MYO1E: variants seen among roughly 807,000 people sequenced by gnomAD.
MYO1E encodes the protein myosin IE.
In MYO1E, 68 loss-of-function variants were observed where a neutral mutation model predicts 151.1. That is an observed-to-expected ratio of 0.45 (90% CI 0.37 to 0.55). MYO1E has a LOEUF of 0.55. MYO1E is among the 20% of genes least tolerant of loss of function. MYO1E has a pLI of 0.00. For synonymous variants in MYO1E, 601 were observed against 501.7 expected, an observed-to-expected ratio of 1.20 and a Z score of -2.64; for missense variants, 1,363 against 1,389.3, an observed-to-expected ratio of 0.98 and a Z score of 0.30.
chr15:59,286,685 A>ACAAC (rs1212365543), intron 1 of MYO1E, among the ~76,000 whole-genome samples: 1 of 152,208 alleles, frequency 6.6e-6, no homozygotes, highest in African/African-American at 2.4e-5. Flanking sequence ...CATTCCCTGA[A>ACAAC]CAACCACTAG....
intron 16 of MYO1E, among the ~76,000 whole-genome samples, chr15:59,195,836 C>T (rs2079763307): frequency 1.3e-5 from 2 of 152,056 alleles, no homozygotes; most frequent in South Asian, 4.1e-4. Flanking sequence ...AGAACAACAA[C>T]AAAAAACAAA....
intron 1 of MYO1E, among the ~76,000 whole-genome samples, chr15:59,310,967 C>T (rs2080547583): frequency 6.6e-6 from 1 of 152,162 alleles, no homozygotes; most frequent in African/African-American, 2.4e-5. Context: ...CTGGCCCCAA[C>T]CTGCCTGTCC....
intron 18 of MYO1E, among the ~76,000 whole-genome samples, chr15:59,186,405 T>TA (rs71425847): frequency 4.9e-5 from 7 of 142,092 alleles, no homozygotes; most frequent in Non-Finnish European, 9.2e-5. Context: ...ATCTGAATTT[T>TA]AAAAAAAAAA....
intron 22 of MYO1E, among the ~76,000 whole-genome samples, chr15:59,169,006 A>T (rs1205135323): frequency 1.3e-5 from 2 of 152,240 alleles, no homozygotes. Flanking sequence ...ACATTATCAT[A>T]CCTACAGAAA....
intron 12 of MYO1E, among the ~76,000 whole-genome samples, chr15:59,212,444 C>A (rs1438075433): frequency 6.6e-6 from 1 of 152,036 alleles, no homozygotes; most frequent in Non-Finnish European, 1.5e-5. Context: ...CCCCAAACAG[C>A]CTTTGATGTG....
At chr15:59,189,869 C>A (rs76652709) in intron 17 of MYO1E, among the ~76,000 whole-genome samples, 7,215 of 152,258 alleles carry the variant, frequency 0.047, 191 homozygotes, top group African/African-American at 0.07. Context: ...CTAGCAATGT[C>A]TTTTGAAAAA....
Position 59,173,907 on chromosome 15 carries a change from G to A in MYO1E, c.2173C>T (p.Leu725Phe). Residue 725 changes from leucine (L) to phenylalanine (F), a missense_variant, in exon 21 of 28, where the codon CTC becomes TTC. By Grantham distance (22) the Leu-to-Phe change is conservative. Transcript: ENST00000288235. The part of the protein sequence containing the change: ...YVQMREEASD[L>F]LLNKKERRRN... The stretch of plus-strand genomic sequence containing the variant: ...CTTCTCTCCTTCTTGTTCAATAAGA[G>A]GTCTGAGGCTACAATTCCCAAGAGG... 4 of 1,613,992 alleles carry A rather than the reference G, an allele frequency of 2.5e-6. No homozygotes were observed. The highest frequency in any genetic ancestry group is 3.4e-6 in the Non-Finnish European group (4 of 1,179,950).
At chr15:59,298,621 T>TC (rs1158062635) in intron 1 of MYO1E, among the ~76,000 whole-genome samples, 1 of 152,132 alleles carries the variant, frequency 6.6e-6, no homozygotes, top group African/African-American at 2.4e-5. Context: ...CCAATCCTGT[T>TC]CCCCCTCTCT....
chr15:59,348,287 A>G (rs1375507823), intron 1 of MYO1E, among the ~76,000 whole-genome samples: 1 of 152,224 alleles, frequency 6.6e-6, no homozygotes, highest in Non-Finnish European at 1.5e-5. Context: ...GCTGTATTAA[A>G]TAATACCCTC....
chr15:59,371,899 C>T (rs1368054953), intron 1 of MYO1E, among the ~76,000 whole-genome samples: 1 of 150,964 alleles, frequency 6.6e-6, no homozygotes, highest in Admixed American at 6.6e-5. Flanking sequence ...GCTCGCCCTA[C>T]CTGGCGCCCC....
At chr15:59,180,778 G>C (rs2079653650) in intron 18 of MYO1E, among the ~76,000 whole-genome samples, 1 of 152,118 alleles carries the variant, frequency 6.6e-6, no homozygotes, top group Non-Finnish European at 1.5e-5. Context: ...CTTTCTCTAG[G>C]ATATACTCAT....
chr15:59,297,127 C>T (rs116997185), intron 1 of MYO1E, among the ~76,000 whole-genome samples: 24,582 of 148,918 alleles, frequency 0.17, 2,516 homozygotes, highest in Non-Finnish European at 0.22. Flanking sequence ...GTTGGGATTA[C>T]GGGCGCGAGC....
intron 24 of MYO1E, 102 bp from the exon 25 acceptor site, chr15:59,158,481 G>A (rs901733387): frequency 1.4e-5 from 12 of 855,482 alleles, no homozygotes; most frequent in Non-Finnish European, 2.3e-5. Flanking sequence ...TTGGATTCCA[G>A]CTCTCAGGTG....
chr15:59,271,814 G>A (rs1206723419), intron 2 of MYO1E, among the ~76,000 whole-genome samples: 2 of 152,224 alleles, frequency 1.3e-5, no homozygotes, highest in African/African-American at 4.8e-5. Flanking sequence ...ATTATTGATA[G>A]AACTCTTTGC....
intron 16 of MYO1E, among the ~76,000 whole-genome samples, chr15:59,200,237 C>T (rs1319309750): frequency 3.3e-5 from 5 of 152,146 alleles, no homozygotes; most frequent in African/African-American, 1.2e-4. Flanking sequence ...ATGATCTGGG[C>T]CCCTTGGATC....
chr15:59,192,760 T>A (rs1299859594), intron 17 of MYO1E, among the ~76,000 whole-genome samples: 5 of 152,234 alleles, frequency 3.3e-5, no homozygotes, highest in African/African-American at 1.2e-4. Context: ...GGTTTATTTC[T>A]AAGGTTGACT....
intron 4 of MYO1E, among the ~76,000 whole-genome samples, chr15:59,252,126 A>G (rs762285622): frequency 1.4e-4 from 22 of 152,214 alleles, no homozygotes; most frequent in Non-Finnish European, 3.1e-4. Context: ...GAAATCTTAA[A>G]AATTAATTGA....
At chr15:59,368,519 G>C (rs1345385275) in intron 1 of MYO1E, among the ~76,000 whole-genome samples, 1 of 151,936 alleles carries the variant, frequency 6.6e-6, no homozygotes, top group Non-Finnish European at 1.5e-5. Context: ...GCCGAGGCAG[G>C]AGGATCACGA....
chr15:59,166,564 T>A (rs536840084), intron 22 of MYO1E, among the ~76,000 whole-genome samples: 77 of 152,204 alleles, frequency 5.1e-4, no homozygotes, highest in African/African-American at 1.8e-3. Flanking sequence ...TTTTTTTTTT[T>A]AAAGCTGAAA....
Sources: allele counts gnomAD v4.1 joint callset (sites outside exome capture counted in the v4.1 genomes callset), GRCh38; gene constraint gnomAD v4.1.1; transcripts MANE v1.5; gene names NCBI Gene and HGNC (gene_info 2026-07-23, HGNC 2026-07-21).